ZNF292: variants seen among roughly 807,000 people sequenced by gnomAD.
The protein encoded by ZNF292 is 16 zinc-finger domain protein.
ZNF292 carries 26 observed loss-of-function variants against 217.9 expected under a neutral mutation model. The observed-to-expected ratio is 0.12, with a 90% confidence interval of 0.09 to 0.17. The LOEUF is 0.17. Ranked by LOEUF, ZNF292 falls within the 10% of genes least tolerant of loss-of-function variation. The pLI, the probability that ZNF292 is intolerant of heterozygous loss-of-function variation, is 1.00. For missense variants in ZNF292, 2,904 were observed against 3,175.2 expected, an observed-to-expected ratio of 0.91 and a Z score of 2.05; for synonymous variants, 1,257 against 1,124.1, an observed-to-expected ratio of 1.12 and a Z score of -2.37.
chr6:87,245,389 A>C (rs575001295), intron 6 of ZNF292, 114 bp from the exon 7 acceptor site: 24 of 641,356 alleles, frequency 3.7e-5, no homozygotes, highest in Non-Finnish European at 5.7e-5. Context: ...TTAAGCATGC[A>C]TATAGGATTG....
intron 1 of ZNF292, among the ~76,000 whole-genome samples, chr6:87,209,376 G>A (rs1320525080): frequency 1.3e-5 from 2 of 152,164 alleles, no homozygotes; most frequent in African/African-American, 2.4e-5. Context: ...GAGGTTTGGG[G>A]AGAGGAGAGT....
chr6:87,204,467 C>A (rs766539597), intron 1 of ZNF292, among the ~76,000 whole-genome samples: 1 of 149,262 alleles, frequency 6.7e-6, no homozygotes, highest in African/African-American at 2.5e-5. Context: ...TGTACTGTAT[C>A]GCCAACTTTT....
At position 87,260,375 on chromosome 6, in the gene ZNF292, A is replaced by G; in HGVS notation, c.6746A>G (p.Lys2249Arg). Reference sequence around the variant, plus strand: ...CACGGGATTGGACTAAGGGCAAGTAAAACAGAAGAAGATGGTGTATACAAA... The same window carrying G: ...CACGGGATTGGACTAAGGGCAAGTAGAACAGAAGAAGATGGTGTATACAAA... Reference protein sequence around the residue: ...ADHGIGLRASKTEEDGVYKCD... With the variant: ...ADHGIGLRASRTEEDGVYKCD... Residue 2249 changes from lysine to arginine, a missense_variant, in exon 8 of 8, where the codon AAA becomes AGA. This residue lies in a region of ZNF292 where 55 missense variants were observed against 99.8 expected (regional missense o/e 0.55). Transcript: ENST00000369577. 6.2e-7 allele frequency: 1 copy of G among 1,613,582 alleles called. No individual in the cohort carries two copies. Among genetic ancestry groups the G allele is most frequent in the Non-Finnish European group, 8.5e-7 (1 of 1,179,642 alleles).
chr6:87,245,097 C>G (rs1031830891), intron 6 of ZNF292, among the ~76,000 whole-genome samples: 1 of 151,984 alleles, frequency 6.6e-6, no homozygotes, highest in Non-Finnish European at 1.5e-5. Context: ...AAAAATTAAC[C>G]AGGCATGGCA....
chr6:87,167,016 T>G (rs913168261), intron 1 of ZNF292, among the ~76,000 whole-genome samples: 2 of 152,242 alleles, frequency 1.3e-5, no homozygotes, highest in African/African-American at 4.8e-5. Flanking sequence ...GCCTGTGTTT[T>G]CCGTGTTCTA....
chr6:87,249,172 A>C (rs1774764194), intron 7 of ZNF292: 1 of 154,382 alleles, frequency 6.5e-6, no homozygotes, highest in South Asian at 1.8e-4. Flanking sequence ...TGTCATCCAG[A>C]CTGGAGTGCA....
chr6:87,221,101 A>G (rs574209092), intron 4 of ZNF292, among the ~76,000 whole-genome samples: 15 of 152,122 alleles, frequency 9.9e-5, no homozygotes, highest in Non-Finnish European at 1.5e-4. Flanking sequence ...ATTTTTTTCA[A>G]TTGACTGATT....
In ZNF292 at chr6:87,261,243, T is replaced by A. The variant is rs778061441; in HGVS notation, c.7614T>A (p.Asn2538Lys). ...SNLKRVNKEK[N>K]VSQNKKRKVE... ...TGAAGAGAGTTAATAAGGAAAAAAA[T>A]GTCTCACAAAATAAAAAAAGGAAAG... The change falls in exon 8 of 8, where the codon AAT becomes AAA. Residue 2538 changes from asparagine (N) to lysine (K), a missense_variant. Physicochemically the swap from Asn to Lys is moderately conservative, Grantham distance 94. Around this residue, in one of 15 missense-constraint regions of ZNF292, gnomAD observed 380 missense variants for 355.3 expected, o/e 1.07. Transcript: ENST00000369577. The A allele has an allele frequency of 7.5e-6, 12 of 1,609,886 alleles. No homozygotes were observed. Among genetic ancestry groups the A allele is most frequent in the East Asian group, 2.2e-5 (1 of 44,840 alleles).
chr6:87,193,109 C>T (rs544663370), intron 1 of ZNF292, among the ~76,000 whole-genome samples: 3 of 152,308 alleles, frequency 2.0e-5, no homozygotes, highest in African/African-American at 7.2e-5. Flanking sequence ...CTGCCCTAGC[C>T]TCCAAGTATC....
intron 1 of ZNF292, among the ~76,000 whole-genome samples, chr6:87,204,783 C>T (rs564081536): frequency 2.0e-5 from 3 of 151,908 alleles, no homozygotes; most frequent in East Asian, 3.9e-4. Context: ...AGGCTGGTCT[C>T]GAACACCTGA....
chr6:87,209,325 T>C (rs956368241), intron 1 of ZNF292, among the ~76,000 whole-genome samples: 2 of 152,322 alleles, frequency 1.3e-5, no homozygotes, highest in African/African-American at 4.8e-5. Flanking sequence ...CCTATTCTTA[T>C]GGATTTATGC....
At chr6:87,167,109 A>G (rs930681545) in intron 1 of ZNF292, among the ~76,000 whole-genome samples, 4 of 152,234 alleles carry the variant, frequency 2.6e-5, no homozygotes, top group Non-Finnish European at 5.9e-5. Context: ...TTTTAATAGT[A>G]AAAATACTAC....
intron 1 of ZNF292, among the ~76,000 whole-genome samples, chr6:87,200,779 T>C (rs544630635): frequency 6.6e-6 from 1 of 152,334 alleles, no homozygotes; most frequent in African/African-American, 2.4e-5. Flanking sequence ...GCATCCATAT[T>C]GGAGATTATT....
At chr6:87,193,439 C>T (rs1771872225) in intron 1 of ZNF292, among the ~76,000 whole-genome samples, 1 of 151,634 alleles carries the variant, frequency 6.6e-6, no homozygotes, top group South Asian at 2.1e-4. Context: ...ACTTGGGAGG[C>T]TGAGGTGGGA....
intron 4 of ZNF292, among the ~76,000 whole-genome samples, chr6:87,230,897 G>C (rs1214283412): frequency 6.6e-6 from 1 of 152,096 alleles, no homozygotes; most frequent in Non-Finnish European, 1.5e-5. Flanking sequence ...TTCTGTTGAA[G>C]TCTGTGAATA....
rs1462918264 is a variant in ZNF292 at position 87,260,489 on chromosome 6, C to A, written c.6860C>A (p.Ala2287Asp). The A allele has an allele frequency of 1.2e-6, 2 of 1,613,360 alleles. No homozygotes were observed. Among genetic ancestry groups the A allele is most frequent in the African/African-American group, 2.7e-5 (2 of 74,856 alleles). The change falls in exon 8 of 8, where the codon GCT (alanine) becomes GAT (aspartate). Residue 2287 changes from alanine to aspartate, a missense_variant. This residue lies in a region of ZNF292 where 55 missense variants were observed against 99.8 expected (regional missense o/e 0.55). Transcript: ENST00000369577. Reference protein sequence around the residue: ...IFNKHNDKHKAHLIRPRRLTP... With the variant: ...IFNKHNDKHKDHLIRPRRLTP... ...AATAAGCATAATGACAAACATAAGG[C>A]TCATTTGATTCGTCCAAGAAGATTA...
At chr6:87,236,472 T>C (rs1054119234) in intron 5 of ZNF292, among the ~76,000 whole-genome samples, 2 of 151,766 alleles carry the variant, frequency 1.3e-5, no homozygotes, top group Non-Finnish European at 2.9e-5. Flanking sequence ...AGAGATTAAG[T>C]GTTTATCTGG....
chr6:87,231,527 T>G (rs953537850), intron 4 of ZNF292, among the ~76,000 whole-genome samples: 2 of 152,178 alleles, frequency 1.3e-5, no homozygotes, highest in African/African-American at 4.8e-5. Flanking sequence ...ATTCTGTGTA[T>G]TTTTGAAATC....
intron 1 of ZNF292, among the ~76,000 whole-genome samples, chr6:87,210,917 A>AT (rs1261579321): frequency 6.6e-6 from 1 of 152,002 alleles, no homozygotes; most frequent in Non-Finnish European, 1.5e-5. Flanking sequence ...AAAGTTGCCA[A>AT]TTTTTTTTGT....
Sources: allele counts gnomAD v4.1 joint callset (sites outside exome capture counted in the v4.1 genomes callset), GRCh38; gene constraint gnomAD v4.1.1; regional missense constraint gnomAD v4.1.1; transcripts MANE v1.5; gene names NCBI Gene and HGNC (gene_info 2026-07-23, HGNC 2026-07-21).